Variants in TTC1 observed in about 807,000 individuals in gnomAD.
TTC1 encodes tetratricopeptide repeat domain 1.
Under a neutral mutation model 37.6 loss-of-function variants are expected in TTC1, and 31 were observed. That is an observed-to-expected ratio of 0.82 (90% CI 0.62 to 1.11). The LOEUF (loss-of-function observed/expected upper bound fraction) is 1.11. Among genes scored for constraint, TTC1 ranks in the 50% most tolerant of loss-of-function variants. The probability of loss-of-function intolerance (pLI) is 0.00; values close to 1 mark genes in which losing one functional copy is unlikely to be tolerated. For missense variants in TTC1, 351 were observed against 339.0 expected, an observed-to-expected ratio of 1.04 and a Z score of -0.28; for synonymous variants, 127 against 122.4, an observed-to-expected ratio of 1.04 and a Z score of -0.25.
At position 160,035,210 on chromosome 5, in the gene TTC1, C is replaced by A; in HGVS notation, c.391+10C>A. ...CAGTTTAAGAAAGGAGGTAAGACGA[C>A]TTTCAGCACTGATAATCTGGTCATC... On this transcript the variant is annotated intron_variant, in intron 3 of 7. Coordinates refer to ENST00000231238, the MANE Select transcript of TTC1 (RefSeq NM_003314.3). 1 of 1,596,300 alleles carries A rather than the reference C, an allele frequency of 6.3e-7. No individual in the cohort carries two copies. The highest frequency in any genetic ancestry group is 8.5e-7 in the Non-Finnish European group (1 of 1,172,288).
intron 4 of TTC1, among the ~76,000 whole-genome samples, chr5:160,038,365 A>G (rs948130381): frequency 1.3e-5 from 2 of 152,148 alleles, no homozygotes; most frequent in African/African-American, 4.8e-5. Flanking sequence ...TAGACTGGAC[A>G]TTGTCATTGT....
chr5:160,035,149 G>A lies in TTC1; in HGVS notation c.340G>A (p.Glu114Lys). The change falls in exon 3 of 8, where the codon GAA (glutamate) becomes AAA (lysine). Residue 114 changes from glutamate to lysine, a missense_variant. Glu to Lys is a moderately conservative substitution (Grantham distance 56). Coordinates refer to ENST00000231238, the MANE Select transcript of TTC1 (RefSeq NM_003314.3). ...MSDEEKQKRR[E>K]ESTRLKEEGN... ...CTCTGATGTCTTTCAGAAAAGAAGA[G>A]AAGAGAGCACTAGACTAAAGGAGGA... The A allele has an allele frequency of 6.3e-7, 1 of 1,599,412 alleles. No homozygotes were observed.
At chr5:160,044,042 A>G (rs746447978) in intron 5 of TTC1, among the ~76,000 whole-genome samples, 2 of 152,288 alleles carry the variant, frequency 1.3e-5, no homozygotes, top group East Asian at 3.9e-4. Flanking sequence ...CACCAACTTC[A>G]TGTGAAGAAT....
At chr5:160,049,835 T>C (rs1757354961) in intron 6 of TTC1, among the ~76,000 whole-genome samples, 173 bp downstream of exon 6, 1 of 152,020 alleles carries the variant, frequency 6.6e-6, no homozygotes, top group African/African-American at 2.4e-5. Flanking sequence ...CCCAGCACTT[T>C]AGGAGGCCAA....
Position 160,010,652 on chromosome 5 carries a change from C to T in TTC1, c.124C>T (p.Gln42Ter). 6.2e-7 allele frequency: 1 copy of T among 1,613,836 alleles called. No individual in the cohort carries two copies. The highest frequency in any genetic ancestry group is 8.5e-7 in the Non-Finnish European group (1 of 1,179,890). ...TCCTGATCCCAAAAATCAGCATTCC[C>T]AGAGTAAGCTGCTCAGGGATGATGA... is the stretch of plus-strand genomic sequence containing the variant. ...PVPDPKNQHS[Q>*]SKLLRDDEAH... is the part of the protein sequence containing the mutation. The change falls in exon 2 of 8, where the codon CAG becomes TAG. Residue 42 changes from glutamine (Q) to a stop codon, truncating the protein, a stop_gained. Coordinates refer to ENST00000231238, the MANE Select transcript of TTC1 (RefSeq NM_003314.3). LOFTEE classifies it high-confidence loss of function.
intron 5 of TTC1, among the ~76,000 whole-genome samples, chr5:160,045,518 A>ACTCT (rs1757209449): frequency 1.8e-4 from 12 of 65,720 alleles, no homozygotes; most frequent in African/African-American, 3.9e-4. Flanking sequence ...ACACACATAC[A>ACTCT]CACTCTCTCT....
intron 7 of TTC1, among the ~76,000 whole-genome samples, chr5:160,054,990 G>A (rs898234974): frequency 6.6e-6 from 1 of 152,204 alleles, no homozygotes; most frequent in Admixed American, 6.5e-5. Context: ...AGTCCCTTGA[G>A]AAGTGTGGCT....
intron 2 of TTC1, among the ~76,000 whole-genome samples, chr5:160,011,459 G>A (rs531328384): frequency 6.6e-6 from 1 of 152,210 alleles, no homozygotes; most frequent in Non-Finnish European, 1.5e-5. Context: ...GATACATACT[G>A]TTATTTCCCA....
chr5:160,010,752 G>C lies in TTC1; in HGVS notation c.224G>C (p.Gly75Ala). 4 of 1,614,158 alleles carry C rather than the reference G, an allele frequency of 2.5e-6. No individual in the cohort carries two copies. The highest frequency in any genetic ancestry group is 3.4e-6 in the Non-Finnish European group (4 of 1,180,022). The change falls in exon 2 of 8, where the codon GGA becomes GCA. Residue 75 changes from glycine to alanine, a missense_variant. Coordinates refer to ENST00000231238, the MANE Select transcript of TTC1 (RefSeq NM_003314.3). ...AGTGCCTCATTTGAGGAGGAGCCAG[G>C]AGCGGACAAGGTTGAGAACAAATCT... ...DCSASFEEEPGADKVENKSNE... is the reference protein window; with the variant it reads ...DCSASFEEEPAADKVENKSNE...
rs1561634762 is a variant in TTC1 at position 160,045,497 on chromosome 5, CACACACACACACACACA to C, written c.541+2329_541+2345del. On this transcript the variant is annotated intron_variant, in intron 5 of 7. Transcript: ENST00000231238. ...ACACACACACACACACACACACACA[CACACACACACACACACA>C]TACACACTCTCTCTCTCTCTCTCTC... Among the ~76,000 whole-genome samples, 913 of 114,676 alleles carry C rather than the reference CACACACACACACACACA, an allele frequency of 8.0e-3. 27 individuals are homozygous for C. Among genetic ancestry groups the C allele is most frequent in the East Asian group, 0.013 (45 of 3,396 alleles). The allele number at this position is 114,676 out of a possible 152,430, so 75.2% of individuals were successfully genotyped here.
intron 7 of TTC1, among the ~76,000 whole-genome samples, chr5:160,061,046 T>C (rs906322660): frequency 1.3e-5 from 2 of 152,264 alleles, no homozygotes; most frequent in African/African-American, 4.8e-5. Context: ...GTTCTCAAGC[T>C]GTCAGTGGCC....
intron 7 of TTC1, among the ~76,000 whole-genome samples, chr5:160,059,065 CAACTT>C: frequency 6.6e-6 from 1 of 152,314 alleles, no homozygotes; most frequent in East Asian, 1.9e-4. Context: ...GCACTGGCCT[CAACTT>C]AAAGTCACCA....
At chr5:160,064,800 A>T in intron 7 of TTC1, 132 bp from the exon 8 acceptor site, 1 of 985,060 alleles carries the variant, frequency 1.0e-6, no homozygotes, top group Non-Finnish European at 1.5e-6. Context: ...TCATCATATT[A>T]AAAGTAGGCA....
At chr5:160,063,129 T>C (rs991724971) in intron 7 of TTC1, among the ~76,000 whole-genome samples, 1 of 152,204 alleles carries the variant, frequency 6.6e-6, no homozygotes, top group African/African-American at 2.4e-5. Context: ...CAAAGATGGG[T>C]TGGCCTTTCT....
At chr5:160,044,547 A>G (rs1209608678) in intron 5 of TTC1, among the ~76,000 whole-genome samples, 1 of 152,196 alleles carries the variant, frequency 6.6e-6, no homozygotes, top group African/African-American at 2.4e-5. Context: ...GAATGTTGCC[A>G]TGGCATTTGT....
intron 2 of TTC1, among the ~76,000 whole-genome samples, chr5:160,013,473 G>A (rs1451341377): frequency 6.6e-6 from 1 of 152,076 alleles, no homozygotes; most frequent in Admixed American, 6.6e-5. Flanking sequence ...GGCTGGGCGT[G>A]GTGGCTCATG....
rs1259025139 is a variant in TTC1, at chr5:160,057,036, T to C, written c.745+5853T>C. Among the ~76,000 whole-genome samples the C allele has an allele frequency of 6.6e-6, 1 of 152,140 alleles. No individual in the cohort carries two copies. The highest frequency in any genetic ancestry group is 1.5e-5 in the Non-Finnish European group (1 of 68,020). On this transcript the variant is annotated intron_variant, in intron 7 of 7. Transcript: ENST00000231238. This position sits in a 1 kb window ranked among gnomAD's most constrained non-coding sequence, Gnocchi z 4.4. ...CTGCCTGATATCTGTCATTACAGAC[T>C]GTACACTTGCAGGATTTTGCACTCT...
At chr5:160,013,713 A>C (rs1456619919) in intron 2 of TTC1, among the ~76,000 whole-genome samples, 5 of 150,914 alleles carry the variant, frequency 3.3e-5, no homozygotes, top group Non-Finnish European at 7.4e-5. Flanking sequence ...TCTGCACTCC[A>C]GCCTGGGTGA....
intron 2 of TTC1, among the ~76,000 whole-genome samples, chr5:160,028,989 A>G (rs951720073): frequency 2.0e-5 from 3 of 152,232 alleles, no homozygotes; most frequent in African/African-American, 7.2e-5. Flanking sequence ...AGATAATTCC[A>G]TTAACTTTGG....
Sources: gnomAD v4.1 joint callset for allele counts (sites outside exome capture counted in the v4.1 genomes callset) on GRCh38, gnomAD v4.1.1 for gene constraint, Gnocchi (gnomAD v3.1) non-coding constraint, MANE v1.5 for transcripts, NCBI Gene and HGNC (gene_info 2026-07-23, HGNC 2026-07-21) for gene names.